NHSL1: variants seen among roughly 807,000 people sequenced by gnomAD.
The protein encoded by NHSL1 is NHS like 1.
Under a neutral mutation model 95.0 loss-of-function variants are expected in NHSL1, and 48 were observed. That is an observed-to-expected ratio of 0.51 (90% confidence interval 0.40 to 0.64). The LOEUF (loss-of-function observed/expected upper bound fraction) is 0.64. Ranked by LOEUF, NHSL1 falls within the 30% of genes least tolerant of loss-of-function variation. NHSL1 has a pLI of 0.00. For synonymous variants in NHSL1, 783 were observed against 833.9 expected (o/e 0.94, Z 1.05); for missense variants, 1,971 against 2,077.7 (o/e 0.95, Z 1.00).
chr6:138,620,599 T>C (rs1205475528), intron 1 of NHSL1, among the ~76,000 whole-genome samples: 2 of 152,174 alleles, frequency 1.3e-5, no homozygotes, highest in African/African-American at 2.4e-5. Context: ...AAAATGTTAA[T>C]GGAAAAAATG....
intron 1 of NHSL1, among the ~76,000 whole-genome samples, chr6:138,653,674 A>C (rs1452626624): frequency 2.0e-5 from 3 of 152,236 alleles, no homozygotes; most frequent in African/African-American, 7.2e-5. Flanking sequence ...GGGCAGAAAT[A>C]AACTGTGCCT....
intron 1 of NHSL1, among the ~76,000 whole-genome samples, chr6:138,579,792 C>T (rs1479074720): frequency 1.3e-5 from 2 of 152,190 alleles, no homozygotes; most frequent in Non-Finnish European, 2.9e-5. Context: ...ATTTTCCAAT[C>T]GACCTTACGT....
chr6:138,506,127 A>T (rs1295170150), intron 1 of NHSL1, among the ~76,000 whole-genome samples: 2 of 152,160 alleles, frequency 1.3e-5, no homozygotes, highest in Non-Finnish European at 2.9e-5. Flanking sequence ...GTAGTAAGGG[A>T]TTTTAGACAT....
At chr6:138,552,221 C>T (rs1783033643) in intron 1 of NHSL1, among the ~76,000 whole-genome samples, 1 of 152,164 alleles carries the variant, frequency 6.6e-6, no homozygotes, top group Non-Finnish European at 1.5e-5. Flanking sequence ...GAGATCAAGA[C>T]AATCCTGGCC....
At chr6:138,630,155 C>T (rs976020031) in intron 1 of NHSL1, among the ~76,000 whole-genome samples, 2 of 151,696 alleles carry the variant, frequency 1.3e-5, no homozygotes, top group Non-Finnish European at 2.9e-5. Context: ...TTAGAGGCTG[C>T]GGTAAGCCAT....
intron 1 of NHSL1, among the ~76,000 whole-genome samples, chr6:138,519,365 TTA>T (rs1403694807): frequency 4.6e-5 from 7 of 152,240 alleles, no homozygotes; most frequent in African/African-American, 1.7e-4. Flanking sequence ...AATGGAATTT[TTA>T]TGTCTCTCAT....
Position 138,570,069 on chromosome 6 carries a change from C to T in NHSL1, c.202+1641G>A, listed in dbSNP as rs547902671. 1.1e-4 allele frequency among the ~76,000 whole-genome samples: 16 copies of T among 152,322 alleles called. No homozygotes were observed. The East Asian group carries it at 1.7e-3, about 17-fold the overall frequency. ...CTTTATTTTCCACAAGTCACATGTA[C>T]AGTATTTGCTTTATTTCCCAACTAA... is the stretch of plus-strand genomic sequence containing the variant. On this transcript the variant is annotated intron_variant, in intron 1 of 6. Transcript: ENST00000427025.
chr6:138,511,871 G>A (rs1276748998), intron 1 of NHSL1, among the ~76,000 whole-genome samples: 2 of 152,032 alleles, frequency 1.3e-5, no homozygotes, highest in Non-Finnish European at 2.9e-5. Context: ...TTGCTCCACC[G>A]CACTCCAGCC....
chr6:138,624,145 T>C (rs946409513), intron 1 of NHSL1, among the ~76,000 whole-genome samples: 1 of 152,156 alleles, frequency 6.6e-6, no homozygotes, highest in Non-Finnish European at 1.5e-5. Flanking sequence ...ATGTTATTGA[T>C]TGATTGGCTG....
chr6:138,671,522 G>A (rs1418099256), intron 1 of NHSL1, among the ~76,000 whole-genome samples: 1 of 152,026 alleles, frequency 6.6e-6, no homozygotes, highest in Non-Finnish European at 1.5e-5. Context: ...GTGATTAGGG[G>A]AGACAGGCAT....
intron 1 of NHSL1, among the ~76,000 whole-genome samples, chr6:138,682,426 GT>G (rs1247944356): frequency 1.3e-5 from 2 of 152,188 alleles, no homozygotes; most frequent in African/African-American, 4.8e-5. Flanking sequence ...GCTTTTCTAA[GT>G]TTGATGTAGT....
intron 1 of NHSL1, among the ~76,000 whole-genome samples, chr6:138,648,476 C>A (rs914095305): frequency 6.6e-6 from 1 of 152,094 alleles, no homozygotes; most frequent in East Asian, 1.9e-4. Context: ...CTGACCGAGA[C>A]CAGGTAGGAT....
At chr6:138,438,332 C>T (rs1442830969) in intron 5 of NHSL1, among the ~76,000 whole-genome samples, 1 of 152,174 alleles carries the variant, frequency 6.6e-6, no homozygotes, top group Admixed American at 6.5e-5. Context: ...TTTTAGCAAT[C>T]AGGTATTTTT....
chr6:138,424,689 T>TC lies in NHSL1; in HGVS notation c.4212dup (p.Ile1405AspfsTer13). 6.4e-7 allele frequency: 1 copy of TC among 1,551,620 alleles called. No homozygotes were observed. The highest frequency in any genetic ancestry group is 8.7e-7 in the Non-Finnish European group (1 of 1,146,990). ...CTGCTCTTTCGGATGCTTCTCTGAATCGACCCCACTTGCTTTGGAGAGGCC... is the reference window on the plus strand; with the variant it reads ...CTGCTCTTTCGGATGCTTCTCTGAATCCGACCCCACTTGCTTTGGAGAGGCC... On this transcript the variant is annotated frameshift_variant, in exon 8 of 8. Coordinates refer to ENST00000343505, the MANE Select transcript of NHSL1 (RefSeq NM_001144060.2). LOFTEE classifies it low-confidence loss of function (END_TRUNC). This position sits in a 1 kb window ranked among gnomAD's most constrained non-coding sequence, Gnocchi z 5.9.
Position 138,478,012 on chromosome 6 carries a change from C to CTTTTTTTTTTTTTTT in NHSL1, c.212-4594_212-4580dup, listed in dbSNP as rs71009589. On this transcript the variant is annotated intron_variant, in intron 2 of 7. Transcript: ENST00000343505. The stretch of plus-strand genomic sequence containing the variant: ...TTTTTTCACCATGAAATTTATGTCA[C>CTTTTTTTTTTTTTTT]TTTTTTTTTTTTTTTTTTTTTTTTT... Among the ~76,000 whole-genome samples the CTTTTTTTTTTTTTTT allele has an allele frequency of 5.3e-4, 16 of 30,018 alleles. 1 individual carries two copies. Among genetic ancestry groups the CTTTTTTTTTTTTTTT allele is most frequent in the South Asian group, 1.2e-3 (1 of 804 alleles). The allele number at this position is 30,018 out of a possible 152,430, so 19.7% of individuals were successfully genotyped here.
Position 138,499,334 on chromosome 6 carries a change from A to T in NHSL1, c.-44T>A, listed in dbSNP as rs116195653. 118 of 1,547,926 alleles carry T rather than the reference A, an allele frequency of 7.6e-5. No homozygotes were observed. In the African/African-American group the frequency reaches 1.5e-3, roughly 20 times the overall value. ...GAGCTTAGAAATGTAAATCACATTA[A>T]AAGCTCAGCCCAGTAGGCAGGTGGC... On this transcript the variant is annotated 5_prime_UTR_variant, in exon 1 of 8. Transcript: ENST00000343505.
intron 1 of NHSL1, among the ~76,000 whole-genome samples, chr6:138,614,195 C>T (rs556968366): frequency 6.6e-6 from 1 of 152,156 alleles, no homozygotes; most frequent in Non-Finnish European, 1.5e-5. Context: ...CTCAGGAAAT[C>T]TCTTTATAAA....
chr6:138,639,024 T>C (rs1784925669), intron 1 of NHSL1, among the ~76,000 whole-genome samples: 1 of 152,252 alleles, frequency 6.6e-6, no homozygotes, highest in Non-Finnish European at 1.5e-5. Context: ...CCATCTGTTT[T>C]AATAAAGGTA....
chr6:138,474,191 T>C (rs1250576103), intron 2 of NHSL1, among the ~76,000 whole-genome samples: 1 of 152,198 alleles, frequency 6.6e-6, no homozygotes, highest in Non-Finnish European at 1.5e-5. Context: ...CCAATGGCTC[T>C]TTAAAGCACC....
Sources: allele counts gnomAD v4.1 joint callset (sites outside exome capture counted in the v4.1 genomes callset), GRCh38; gene constraint gnomAD v4.1.1; non-coding constraint Gnocchi (gnomAD v3.1); transcripts MANE v1.5; gene names NCBI Gene and HGNC (gene_info 2026-07-23, HGNC 2026-07-21).